RGS6: variants seen among roughly 807,000 people sequenced by gnomAD.
RGS6 encodes regulator of G protein signaling 6, also known as regulator of G-protein signaling 6.
RGS6 carries 30 observed loss-of-function variants against 78.5 expected under a neutral mutation model. That is an observed-to-expected ratio of 0.38 (90% CI 0.29 to 0.52). RGS6 has a LOEUF of 0.52. Ranked by LOEUF, RGS6 falls within the 20% of genes least tolerant of loss-of-function variation. RGS6 has a pLI of 0.85. For synonymous variants in RGS6, 206 were observed against 206.0 expected, an observed-to-expected ratio of 1.00 and a Z score of 0.00; for missense variants, 495 against 609.7, an observed-to-expected ratio of 0.81 and a Z score of 1.98.
At chr14:71,950,582 T>C (rs1229021625) in intron 1 of RGS6, among the ~76,000 whole-genome samples, 1 of 151,766 alleles carries the variant, frequency 6.6e-6, no homozygotes, top group Non-Finnish European at 1.5e-5. Context: ...GAGATATAAT[T>C]AAGGAGCTTC....
intron 17 of RGS6, among the ~76,000 whole-genome samples, chr14:72,550,239 G>A (rs563184697): frequency 1.3e-5 from 2 of 152,314 alleles, no homozygotes; most frequent in East Asian, 3.9e-4. Context: ...AGAAAGCCCA[G>A]TCAGGGTTGA....
At position 72,562,759 on chromosome 14, in the gene RGS6, C is replaced by A; in HGVS notation, c.*292C>A. The A allele has an allele frequency of 6.5e-7, 1 of 1,533,440 alleles. No homozygotes were observed. Among genetic ancestry groups the A allele is most frequent in the Non-Finnish European group, 8.7e-7 (1 of 1,144,430 alleles). The allele number at this position is 1,533,440 out of a possible 1,614,324, so 95.0% of individuals were successfully genotyped here. ...TCGCTAAGAGGCCCTGATCCCAGCT[C>A]ATTCAGGGGAGAACACGTCGTGGGG... On this transcript the variant is annotated 3_prime_UTR_variant, in exon 18 of 18. Coordinates refer to ENST00000553525, the MANE Select transcript of RGS6 (RefSeq NM_001204424.2).
chr14:72,384,133 G>A (rs1435951673), intron 3 of RGS6, among the ~76,000 whole-genome samples: 1 of 152,152 alleles, frequency 6.6e-6, no homozygotes, highest in African/African-American at 2.4e-5. Flanking sequence ...CACAGGGCAT[G>A]TCTCAGACCT....
At chr14:72,231,651 G>C (rs2049633671) in intron 2 of RGS6, among the ~76,000 whole-genome samples, 1 of 152,234 alleles carries the variant, frequency 6.6e-6, no homozygotes, top group Non-Finnish European at 1.5e-5. Flanking sequence ...GCCAGACAGG[G>C]CTGGGGTAGG....
intron 2 of RGS6, among the ~76,000 whole-genome samples, chr14:71,987,478 C>G (rs941784228): frequency 6.6e-6 from 1 of 152,146 alleles, no homozygotes; most frequent in African/African-American, 2.4e-5. Context: ...TTACTGTAGT[C>G]CCATCCAGTG....
chr14:72,189,647 A>G (rs2097297296), intron 2 of RGS6, among the ~76,000 whole-genome samples: 1 of 152,180 alleles, frequency 6.6e-6, no homozygotes, highest in Non-Finnish European at 1.5e-5. Context: ...GCTAGCTCTG[A>G]AGAATAGATT....
At chr14:72,593,013 G>A in the RGS6 span, among the ~76,000 whole-genome samples, 1 of 152,208 alleles carries the variant, frequency 6.6e-6, no homozygotes. Context: ...GCCACTTCGA[G>A]GGGTGAGCAA....
chr14:72,195,304 T>A (rs905610439), intron 2 of RGS6, among the ~76,000 whole-genome samples: 1 of 151,994 alleles, frequency 6.6e-6, no homozygotes, highest in Non-Finnish European at 1.5e-5. Context: ...AGTCCTTGAG[T>A]ATTGAATTTG....
chr14:72,521,146 G>A (rs1390013996), intron 15 of RGS6, among the ~76,000 whole-genome samples: 2 of 152,156 alleles, frequency 1.3e-5, no homozygotes, highest in Non-Finnish European at 2.9e-5. Context: ...CTGACCTACA[G>A]GGGATTTTAT....
At chr14:72,607,034 T>TA in the RGS6 span, among the ~76,000 whole-genome samples, 1 of 152,288 alleles carries the variant, frequency 6.6e-6, no homozygotes, top group South Asian at 2.1e-4. Flanking sequence ...TCCTCAGGCA[T>TA]ATCCTTTAGT....
intron 2 of RGS6, among the ~76,000 whole-genome samples, chr14:72,083,448 G>T (rs765798189): frequency 2.0e-5 from 3 of 152,166 alleles, no homozygotes; most frequent in Non-Finnish European, 4.4e-5. Flanking sequence ...TGTCAAGGTT[G>T]AGAAGCCTTA....
At chr14:72,356,524 T>C (rs955641330) in intron 3 of RGS6, among the ~76,000 whole-genome samples, 5 of 152,166 alleles carry the variant, frequency 3.3e-5, no homozygotes, top group African/African-American at 1.2e-4. Flanking sequence ...TGGAGATGTG[T>C]GAAGTAGTCA....
At chr14:72,571,644 TC>T in the RGS6 span, among the ~76,000 whole-genome samples, 2 of 152,182 alleles carry the variant, frequency 1.3e-5, no homozygotes, top group Admixed American at 1.3e-4. Context: ...GAAATTTGAT[TC>T]CCTACCTCAC....
chr14:71,943,086 G>A (rs1329835928), intron 1 of RGS6, among the ~76,000 whole-genome samples: 1 of 152,146 alleles, frequency 6.6e-6, no homozygotes, highest in Non-Finnish European at 1.5e-5. Context: ...TCCCCTGCAT[G>A]AATGAGAGCT....
At chr14:72,192,015 A>G (rs2153720819) in intron 2 of RGS6, among the ~76,000 whole-genome samples, 1 of 152,288 alleles carries the variant, frequency 6.6e-6, no homozygotes. Context: ...CCTGGCAAGC[A>G]GACATGCACG....
intron 1 of RGS6, among the ~76,000 whole-genome samples, chr14:71,951,207 C>A (rs908441231): frequency 6.6e-6 from 1 of 152,012 alleles, no homozygotes; most frequent in Non-Finnish European, 1.5e-5. Context: ...TAATATACAC[C>A]ATAGACTACT....
chr14:71,952,569 C>A (rs896834458), intron 1 of RGS6, among the ~76,000 whole-genome samples: 4 of 151,980 alleles, frequency 2.6e-5, no homozygotes, highest in Non-Finnish European at 5.9e-5. Context: ...TGTCTGCCAT[C>A]TACACGGTAT....
intron 2 of RGS6, among the ~76,000 whole-genome samples, chr14:72,326,295 G>A (rs987840796): frequency 6.6e-6 from 1 of 152,124 alleles, no homozygotes; most frequent in Admixed American, 6.5e-5. Flanking sequence ...TTGTAAAATG[G>A]CAATAGTAAT....
intron 17 of RGS6, among the ~76,000 whole-genome samples, chr14:72,548,655 G>A (rs1382973129): frequency 6.6e-6 from 1 of 152,150 alleles, no homozygotes; most frequent in Non-Finnish European, 1.5e-5. Flanking sequence ...AGAAGAGCTA[G>A]AGAGAGAAAG....
Sources: allele counts gnomAD v4.1 joint callset (sites outside exome capture counted in the v4.1 genomes callset), GRCh38; gene constraint gnomAD v4.1.1; transcripts MANE v1.5; gene names NCBI Gene and HGNC (gene_info 2026-07-23, HGNC 2026-07-21).